The following PLEKHG1 variants were observed in gnomAD, a reference collection of about 807,000 sequenced individuals.
PLEKHG1 encodes pleckstrin homology and RhoGEF domain containing G1, also known as pleckstrin homology domain-containing family G member 1.
In PLEKHG1, 44 loss-of-function variants were observed where a neutral mutation model predicts 100.8. The observed-to-expected ratio is 0.44, with a 90% CI of 0.34 to 0.56. The LOEUF (loss-of-function observed/expected upper bound fraction) is 0.56, where lower values mean the gene tolerates loss of function less well. Ranked by LOEUF, PLEKHG1 falls within the 20% of genes least tolerant of loss-of-function variation. PLEKHG1 has a pLI of 0.01. For synonymous variants in PLEKHG1, 640 were observed against 662.5 expected (o/e 0.97, Z 0.52); for missense variants, 1,545 against 1,720.9 (o/e 0.90, Z 1.81).
At chr6:150,779,812 A>G (rs1785207985) in intron 3 of PLEKHG1, among the ~76,000 whole-genome samples, 1 of 151,650 alleles carries the variant, frequency 6.6e-6, no homozygotes, top group African/African-American at 2.4e-5. Flanking sequence ...TAAAAATACA[A>G]AAAATTAGTC....
At chr6:150,678,648 A>G (rs910135148) in intron 3 of PLEKHG1, among the ~76,000 whole-genome samples, 5 of 152,216 alleles carry the variant, frequency 3.3e-5, no homozygotes, top group Non-Finnish European at 5.9e-5. Flanking sequence ...AAATGTTGGC[A>G]TACTCTCTGG....
At chr6:150,793,043 T>C (rs1017660272) in intron 4 of PLEKHG1, among the ~76,000 whole-genome samples, 20 of 152,202 alleles carry the variant, frequency 1.3e-4, no homozygotes, top group African/African-American at 4.8e-4. Context: ...TTTGCAGTGA[T>C]ATTAAAACAC....
Position 150,831,360 on chromosome 6 carries a change from C to T in PLEKHG1, c.2249C>T (p.Pro750Leu), listed in dbSNP as rs1254531268. The T allele has an allele frequency of 1.9e-6, 3 of 1,613,980 alleles. No individual in the cohort carries two copies. Among genetic ancestry groups the T allele is most frequent in the Admixed American group, 1.7e-5 (1 of 60,010 alleles). ...TATGACACCATAGGGCTCCCAGATCCTCCGTCGCTGGGTTTTAAGTGCAGC... is the reference window on the plus strand; with the variant it reads ...TATGACACCATAGGGCTCCCAGATCTTCCGTCGCTGGGTTTTAAGTGCAGC... Residue 750 changes from proline (P) to leucine (L), a missense_variant, in exon 15 of 16, where the codon CCT becomes CTT. By Grantham distance (98) the Pro-to-Leu change is moderately conservative (BLOSUM62 -3). Transcript: ENST00000358517. The surrounding 1 kb of genome is among the most constrained non-coding windows in gnomAD (Gnocchi z 4.1).
Position 150,786,461 on chromosome 6 carries a change from T to G in PLEKHG1, c.582+2T>G. The stretch of plus-strand genomic sequence containing the variant: ...ATAGCAGAGTGTTTTGTGTCCAAGG[T>G]AAGCAGGGTTCATCCTTCTGGGCCA... On this transcript the variant is annotated splice_donor_variant, in intron 4 of 15. Coordinates refer to ENST00000358517, the Ensembl canonical transcript of PLEKHG1. LOFTEE classifies it high-confidence loss of function. The G allele has an allele frequency of 6.2e-7, 1 of 1,605,280 alleles. No individual in the cohort carries two copies. The highest frequency in any genetic ancestry group is 8.5e-7 in the Non-Finnish European group (1 of 1,172,228).
intron 11 of PLEKHG1, among the ~76,000 whole-genome samples, chr6:150,818,846 C>T (rs1280537915): frequency 6.6e-6 from 1 of 152,226 alleles, no homozygotes; most frequent in Non-Finnish European, 1.5e-5. Context: ...ACTGAAAACA[C>T]TTCTACTTTA....
chr6:150,605,376 C>T (rs1033846470), intron 1 of PLEKHG1: 6 of 152,222 alleles, frequency 3.9e-5, no homozygotes, highest in Non-Finnish European at 7.3e-5. Context: ...TCCCACTTAC[C>T]TGCTGCAAGT....
rs1334942248 is a variant in PLEKHG1 at position 150,600,380 on chromosome 6, G to T, written c.-204+363G>T. Among the ~76,000 whole-genome samples, 1 of 152,098 alleles carries T rather than the reference G, an allele frequency of 6.6e-6. No homozygotes were observed. Among genetic ancestry groups the T allele is most frequent in the East Asian group, 1.9e-4 (1 of 5,156 alleles). ...GCCCCAGCGGCTGCAACATCAGCGC[G>T]CAGAGGAGTTTCTGCGAGCACCCGG... On this transcript the variant is annotated intron_variant, in intron 1 of 3. Transcript: ENST00000367326. This position sits in a 1 kb window ranked among gnomAD's most constrained non-coding sequence, Gnocchi z 6.2.
chr6:150,616,217 T>G (rs1777066274), intron 1 of PLEKHG1, among the ~76,000 whole-genome samples: 1 of 152,166 alleles, frequency 6.6e-6, no homozygotes, highest in African/African-American at 2.4e-5. Context: ...CCAAGGCTAG[T>G]GTAGGTGGCT....
chr6:150,813,260 A>G (rs78481239), intron 10 of PLEKHG1, among the ~76,000 whole-genome samples: 15 of 149,806 alleles, frequency 1.0e-4, no homozygotes, highest in South Asian at 2.1e-4. Flanking sequence ...AGCCGAGATC[A>G]CGCCACTGCA....
chr6:150,750,243 T>C (rs1783428734), intron 2 of PLEKHG1, among the ~76,000 whole-genome samples: 1 of 152,202 alleles, frequency 6.6e-6, no homozygotes, highest in Admixed American at 6.5e-5. Flanking sequence ...CTTAAGCGAC[T>C]AAAGGCTATT....
At chr6:150,684,076 C>T (rs1756185878) in intron 3 of PLEKHG1, among the ~76,000 whole-genome samples, 1 of 152,164 alleles carries the variant, frequency 6.6e-6, no homozygotes, top group South Asian at 2.1e-4. Flanking sequence ...CTATGCTGGG[C>T]ACAAAGAAGG....
At chr6:150,802,047 G>C (rs1027073161) in intron 6 of PLEKHG1, among the ~76,000 whole-genome samples, 1 of 152,104 alleles carries the variant, frequency 6.6e-6, no homozygotes, top group Non-Finnish European at 1.5e-5. Context: ...CACGTCAACA[G>C]GCCTGCAGTT....
intron 3 of PLEKHG1, among the ~76,000 whole-genome samples, chr6:150,654,736 G>C (rs551065739): frequency 1.3e-5 from 2 of 152,330 alleles, no homozygotes; most frequent in South Asian, 4.1e-4. Flanking sequence ...TGTTTTCCTC[G>C]GGGCTGATGG....
chr6:150,834,248 G>A (rs1205788056), intron 15 of PLEKHG1, among the ~76,000 whole-genome samples: 4 of 152,126 alleles, frequency 2.6e-5, no homozygotes, highest in Middle Eastern at 3.2e-3. Flanking sequence ...TGATGCTAGC[G>A]TTGCTAAGCT....
intron 1 of PLEKHG1, among the ~76,000 whole-genome samples, chr6:150,605,183 A>C (rs1776543768): frequency 6.6e-6 from 1 of 152,218 alleles, no homozygotes; most frequent in African/African-American, 2.4e-5. Context: ...ATTACCTTTC[A>C]AAAGTGGGGG....
chr6:150,728,690 G>A (rs1368272591), intron 1 of PLEKHG1, among the ~76,000 whole-genome samples: 4 of 151,660 alleles, frequency 2.6e-5, no homozygotes, highest in African/African-American at 7.3e-5. Flanking sequence ...GAGGTCAGGA[G>A]TTCGAGACCA....
At chr6:150,711,059 G>C (rs1483844937) in intron 3 of PLEKHG1, among the ~76,000 whole-genome samples, 1 of 152,206 alleles carries the variant, frequency 6.6e-6, no homozygotes, top group East Asian at 1.9e-4. Context: ...GACTTGGGAG[G>C]AGTGGGGAGA....
chr6:150,803,779 A>G (rs943183623), intron 6 of PLEKHG1, among the ~76,000 whole-genome samples: 3 of 152,130 alleles, frequency 2.0e-5, no homozygotes, highest in African/African-American at 4.8e-5. Flanking sequence ...AGTTTTCGCT[A>G]TATTTTTGAG....
In PLEKHG1 at chr6:150,763,024, C is replaced by CTTTTTTTTTTTTTTTTTTTT. The variant is rs60462437; in HGVS notation, c.412-5613_412-5594dup. Among the ~76,000 whole-genome samples the CTTTTTTTTTTTTTTTTTTTT allele has an allele frequency of 6.8e-3, 517 of 76,444 alleles. 48 individuals are homozygous for CTTTTTTTTTTTTTTTTTTTT. The highest frequency in any genetic ancestry group is 8.7e-3 in the Admixed American group (44 of 5,058). 50.2% of individuals were successfully genotyped at this position (76,444 alleles called of 152,430 possible). On this transcript the variant is annotated intron_variant, in intron 2 of 15. Transcript: ENST00000358517. The stretch of plus-strand genomic sequence containing the variant: ...AGCACCAACAGGAGGGATAAAGCTT[C>CTTTTTTTTTTTTTTTTTTTT]TTTTTTTTTTTTTTTTTTTTGAGAC...
Sources: gnomAD v4.1 joint callset for allele counts (sites outside exome capture counted in the v4.1 genomes callset) on GRCh38, gnomAD v4.1.1 for gene constraint, Gnocchi (gnomAD v3.1) non-coding constraint, MANE v1.5 for transcripts, NCBI Gene and HGNC (gene_info 2026-07-23, HGNC 2026-07-21) for gene names.